ARHGAP39: variants seen among roughly 807,000 people sequenced by gnomAD.
ARHGAP39 encodes Rho GTPase activating protein 39, also known as rho GTPase-activating protein 39.
A neutral mutation model predicts 106.9 loss-of-function variants in ARHGAP39; 44 were observed. That is an observed-to-expected ratio of 0.41 (90% CI 0.32 to 0.53). The LOEUF is 0.53. ARHGAP39 is among the 20% of genes least tolerant of loss of function. The pLI, the probability that ARHGAP39 is intolerant of heterozygous loss-of-function variation, is 0.21. For synonymous variants in ARHGAP39, 768 were observed against 693.2 expected, an observed-to-expected ratio of 1.11 and a Z score of -1.69; for missense variants, 1,496 against 1,577.3, an observed-to-expected ratio of 0.95 and a Z score of 0.87.
intron 1 of ARHGAP39, among the ~76,000 whole-genome samples, chr8:144,611,182 C>G (rs1045902490): frequency 7.9e-5 from 12 of 152,238 alleles, no homozygotes; most frequent in African/African-American, 2.9e-4. Flanking sequence ...TACTCAGTAA[C>G]TAATCATCTT....
chr8:144,674,148 A>G (rs1256194921), intron 1 of ARHGAP39, among the ~76,000 whole-genome samples: 2 of 145,852 alleles, frequency 1.4e-5, no homozygotes, highest in East Asian at 2.1e-4. Flanking sequence ...GGTCGGGGGG[A>G]GTGTGTGTTT....
Position 144,591,199 on chromosome 8 carries a change from C to T in ARHGAP39, c.81-9922G>A, listed in dbSNP as rs1343095195. 6.6e-6 allele frequency among the ~76,000 whole-genome samples: 1 copy of T among 152,202 alleles called. No individual in the cohort carries two copies. The highest frequency in any genetic ancestry group is 1.5e-5 in the Non-Finnish European group (1 of 68,044). ...TGCCTTCCCTGTCCATACACCTCCT[C>T]TCCCCAGCCGGAGCCTGGACCCCAA... On this transcript the variant is annotated intron_variant, in intron 2 of 11. Coordinates refer to ENST00000377307, the MANE Select transcript of ARHGAP39 (RefSeq NM_025251.3). This position sits in a 1 kb window ranked among gnomAD's most constrained non-coding sequence, Gnocchi z 5.3.
At chr8:144,572,162 T>A (rs1443053445) in intron 3 of ARHGAP39, among the ~76,000 whole-genome samples, 1 of 152,178 alleles carries the variant, frequency 6.6e-6, no homozygotes, top group Admixed American at 6.5e-5. Context: ...AGAGCCCACA[T>A]TGCCAAGACA....
At chr8:144,687,602 G>A (rs111312863), upstream of ARHGAP39, among the ~76,000 whole-genome samples, 1 of 58,688 alleles carries the variant, frequency 1.7e-5, no homozygotes, top group Non-Finnish European at 2.9e-5. Flanking sequence ...ACACACTGGC[G>A]GTGAGCACTT....
At chr8:144,617,037 C>G (rs1358491245) in intron 1 of ARHGAP39, among the ~76,000 whole-genome samples, 1 of 151,902 alleles carries the variant, frequency 6.6e-6, no homozygotes, top group Non-Finnish European at 1.5e-5. Flanking sequence ...CATTTTTAGT[C>G]TCTACTAAAA....
At chr8:144,654,020 G>A (rs993351213) in intron 1 of ARHGAP39, among the ~76,000 whole-genome samples, 1 of 152,236 alleles carries the variant, frequency 6.6e-6, no homozygotes, top group Non-Finnish European at 1.5e-5. Context: ...CCGGACACGA[G>A]CACTGAAAGG....
the ARHGAP39 span, among the ~76,000 whole-genome samples, chr8:144,693,890 G>A: frequency 6.6e-6 from 1 of 152,190 alleles, no homozygotes; most frequent in Non-Finnish European, 1.5e-5. Context: ...GCCATATGGA[G>A]CCAAGTGCAG....
intron 1 of ARHGAP39, among the ~76,000 whole-genome samples, chr8:144,611,305 C>A (rs2130955409): frequency 6.6e-6 from 1 of 152,268 alleles, no homozygotes; most frequent in East Asian, 1.9e-4. Flanking sequence ...AATGGTCTAT[C>A]CTGGTAAATG....
chr8:144,576,060 T>C (rs1818760504), intron 3 of ARHGAP39, among the ~76,000 whole-genome samples: 1 of 152,092 alleles, frequency 6.6e-6, no homozygotes, highest in Non-Finnish European at 1.5e-5. Context: ...TGGCCGGGCA[T>C]GGTGGCTCAC....
At chr8:144,685,478 C>A (rs1432197176) in intron 1 of ARHGAP39, among the ~76,000 whole-genome samples, 1 of 148,994 alleles carries the variant, frequency 6.7e-6, no homozygotes, top group Non-Finnish European at 1.5e-5. Context: ...GCCCCCCGCC[C>A]GGCCGGGCCC....
chr8:144,560,978 G>A lies in ARHGAP39; in HGVS notation c.513-5335C>T, dbSNP rs146419912. 9.8e-5 allele frequency among the ~76,000 whole-genome samples: 15 copies of A among 152,382 alleles called. No individual in the cohort carries two copies. In the East Asian group the frequency reaches 2.9e-3, roughly 29 times the overall value. On this transcript the variant is annotated intron_variant, in intron 3 of 11. Transcript: ENST00000377307. ...CAAGCAAGGAAAACTGTTCACTGAT[G>A]GGAAATTAATTACATTGTGTTGATT...
intron 1 of ARHGAP39, among the ~76,000 whole-genome samples, chr8:144,669,631 G>A (rs1050568248): frequency 3.3e-5 from 5 of 151,820 alleles, no homozygotes; most frequent in Non-Finnish European, 7.4e-5. Context: ...TATCTGATCC[G>A]GCACTTGTAT....
At position 144,579,201 on chromosome 8, in the gene ARHGAP39, C is replaced by CAAAAAAAAA. The variant is rs541332282; in HGVS notation, c.512+1636_512+1644dup. On this transcript the variant is annotated intron_variant, in intron 3 of 11. Transcript: ENST00000377307. Reference sequence around the variant, plus strand: ...TGGGCGACAGAGCGAGACTCTGTCTCAAAAAAAAAAAAAAAAAAAAAAAAG... The same window carrying CAAAAAAAAA: ...TGGGCGACAGAGCGAGACTCTGTCTCAAAAAAAAAAAAAAAAAAAAAAAAAAAAAAAAAG... Among the ~76,000 whole-genome samples the CAAAAAAAAA allele has an allele frequency of 9.5e-4, 38 of 39,902 alleles. 2 individuals carry two copies. The highest frequency in any genetic ancestry group is 3.0e-3 in the African/African-American group (36 of 11,906). The allele number at this position is 39,902 out of a possible 152,430, so 26.2% of individuals were successfully genotyped here.
At chr8:144,637,887 G>T (rs1328611658) in intron 1 of ARHGAP39, among the ~76,000 whole-genome samples, 1 of 150,874 alleles carries the variant, frequency 6.6e-6, no homozygotes, top group East Asian at 1.9e-4. Context: ...TTAGAGAGGG[G>T]TCTTGCTATG....
At chr8:144,536,873 C>T (rs1203598198) in intron 7 of ARHGAP39, among the ~76,000 whole-genome samples, 2 of 152,256 alleles carry the variant, frequency 1.3e-5, no homozygotes, top group Non-Finnish European at 2.9e-5. Flanking sequence ...GCATGGGCAG[C>T]ATGCAGTCAG....
intron 2 of ARHGAP39, 43 bp downstream of exon 2, chr8:144,605,492 C>T: frequency 1.2e-6 from 2 of 1,600,818 alleles, no homozygotes; most frequent in Non-Finnish European, 1.7e-6. Flanking sequence ...GTTCCACCCA[C>T]TCGTGAGGCC....
At chr8:144,672,907 TA>T (rs1248978266) in intron 1 of ARHGAP39, among the ~76,000 whole-genome samples, 2 of 152,184 alleles carry the variant, frequency 1.3e-5, no homozygotes, top group East Asian at 3.9e-4. Flanking sequence ...GTAGCATCGC[TA>T]CCACCTGAAA....
intron 2 of ARHGAP39, among the ~76,000 whole-genome samples, chr8:144,582,892 G>T (rs772039441): frequency 2.0e-5 from 3 of 152,150 alleles, no homozygotes; most frequent in Admixed American, 1.3e-4. Flanking sequence ...AGGTGGTGGG[G>T]GTCCTGTTGT....
chr8:144,685,632 C>G (rs1822569486), intron 1 of ARHGAP39, among the ~76,000 whole-genome samples, 54 bp downstream of exon 1: 1 of 148,846 alleles, frequency 6.7e-6, no homozygotes. Flanking sequence ...AGCGCCGGCC[C>G]CTCCGCCATC....
Sources: allele counts gnomAD v4.1 joint callset (sites outside exome capture counted in the v4.1 genomes callset), GRCh38; gene constraint gnomAD v4.1.1; non-coding constraint Gnocchi (gnomAD v3.1); transcripts MANE v1.5; gene names NCBI Gene and HGNC (gene_info 2026-07-23, HGNC 2026-07-21).